CSNK1G3: variants seen among roughly 807,000 people sequenced by gnomAD.
The protein encoded by CSNK1G3 is casein kinase I isoform gamma-3.
Under a neutral mutation model 64.3 loss-of-function variants are expected in CSNK1G3, and 23 were observed. That is an observed-to-expected ratio of 0.36 (90% CI 0.26 to 0.51). The LOEUF (loss-of-function observed/expected upper bound fraction) is 0.51. CSNK1G3 is among the 20% of genes least tolerant of loss of function. CSNK1G3 has a pLI of 0.96. For synonymous variants in CSNK1G3, 158 were observed against 162.2 expected (o/e 0.97, Z 0.20); for missense variants, 357 against 510.5 (o/e 0.70, Z 2.90).
chr5:123,540,718 C>T (rs2013279), intron 1 of CSNK1G3, among the ~76,000 whole-genome samples: 33,780 of 152,074 alleles, frequency 0.22, 3,994 homozygotes, highest in African/African-American at 0.27. Flanking sequence ...TTGCAACCTC[C>T]GCCTCCCAGG....
chr5:123,584,975 G>A (rs1791036517), intron 6 of CSNK1G3, among the ~76,000 whole-genome samples: 1 of 152,062 alleles, frequency 6.6e-6, no homozygotes, highest in Non-Finnish European at 1.5e-5. Flanking sequence ...CCTGCTGAGA[G>A]GATTAATGAT....
intron 3 of CSNK1G3, among the ~76,000 whole-genome samples, chr5:123,555,988 C>T (rs1784552842): frequency 6.6e-6 from 1 of 152,002 alleles, no homozygotes; most frequent in Non-Finnish European, 1.5e-5. Context: ...TAAGTTTTAA[C>T]CCAATTTTAC....
chr5:123,570,012 T>C (rs1329150470), intron 4 of CSNK1G3, among the ~76,000 whole-genome samples: 1 of 152,162 alleles, frequency 6.6e-6, no homozygotes, highest in African/African-American at 2.4e-5. Context: ...ATTATATTGG[T>C]GGATTTTTGA....
At chr5:123,545,742 CGAG>C in exon 2 of CSNK1G3, 1 of 1,613,618 alleles carries the variant, frequency 6.2e-7, no homozygotes, top group Non-Finnish European at 8.5e-7. Context: ...ACACAACACT[CGAG>C]GAACTGGGTC....
At chr5:123,551,224 C>G (rs1198426925) in intron 2 of CSNK1G3, among the ~76,000 whole-genome samples, 1 of 152,154 alleles carries the variant, frequency 6.6e-6, no homozygotes, top group East Asian at 1.9e-4. Flanking sequence ...TCTTTGACAT[C>G]AAGTTCTTCA....
At chr5:123,527,950 A>G (rs796513707) in intron 1 of CSNK1G3, among the ~76,000 whole-genome samples, 26 of 152,302 alleles carry the variant, frequency 1.7e-4, no homozygotes, top group African/African-American at 6.0e-4. Flanking sequence ...CCTCAGCTAT[A>G]AAGTGCTGTT....
At chr5:123,526,840 TTGTGTGTGTGTGTG>T (rs34275675) in intron 1 of CSNK1G3, among the ~76,000 whole-genome samples, 11 of 126,754 alleles carry the variant, frequency 8.7e-5, no homozygotes, top group South Asian at 2.6e-4. Context: ...CATGTACAGA[TTGTGTGTGTGTGTG>T]TGTGTGTGTG....
chr5:123,583,784 A>G (rs956972996), intron 6 of CSNK1G3, among the ~76,000 whole-genome samples: 3 of 152,044 alleles, frequency 2.0e-5, no homozygotes, highest in Non-Finnish European at 4.4e-5. Flanking sequence ...GGCTCAAGGA[A>G]TCCTCCCACC....
chr5:123,597,019 A>G (rs1009848342), intron 10 of CSNK1G3, among the ~76,000 whole-genome samples: 5 of 125,500 alleles, frequency 4.0e-5, no homozygotes, highest in African/African-American at 1.3e-4. Context: ...TTAAAACGTA[A>G]TAAGAGCAAA....
chr5:123,515,640 T>G (rs1777010475), intron 1 of CSNK1G3, among the ~76,000 whole-genome samples: 1 of 151,780 alleles, frequency 6.6e-6, no homozygotes. Flanking sequence ...ATCAAAGGAG[T>G]GCTTAGAAAA....
intron 1 of CSNK1G3, among the ~76,000 whole-genome samples, chr5:123,514,618 C>G (rs1271851964): frequency 2.0e-5 from 3 of 151,464 alleles, no homozygotes; most frequent in African/African-American, 7.3e-5. Context: ...GTGTGAGATA[C>G]TAATTTTTGA....
chr5:123,527,894 A>C (rs1779344624), intron 1 of CSNK1G3, among the ~76,000 whole-genome samples: 1 of 152,100 alleles, frequency 6.6e-6, no homozygotes, highest in Admixed American at 6.5e-5. Flanking sequence ...CGTGTTTTCT[A>C]ACATATTCAA....
intron 2 of CSNK1G3, among the ~76,000 whole-genome samples, chr5:123,552,641 TTA>T (rs1464269003): frequency 1.3e-5 from 2 of 151,638 alleles, no homozygotes; most frequent in Admixed American, 6.5e-5. Context: ...TTCAGATATT[TTA>T]TGTTTATTTA....
At chr5:123,590,975 A>G (rs1310340178) in intron 9 of CSNK1G3, among the ~76,000 whole-genome samples, 3 of 152,000 alleles carry the variant, frequency 2.0e-5, no homozygotes, top group Non-Finnish European at 2.9e-5. Context: ...TATTCTATGT[A>G]TACATTTGCT....
At chr5:123,533,270 T>C (rs1168582810) in intron 1 of CSNK1G3, among the ~76,000 whole-genome samples, 1 of 151,984 alleles carries the variant, frequency 6.6e-6, no homozygotes, top group African/African-American at 2.4e-5. Context: ...TCAGTTTCAA[T>C]TGTAGTATTA....
chr5:123,545,927 A>C (rs1189189728), intron 2 of CSNK1G3, 86 bp downstream of exon 2: 1 of 1,133,606 alleles, frequency 8.8e-7, no homozygotes, highest in East Asian at 2.5e-5. Flanking sequence ...TAGTTATTTA[A>C]TTGTTTAGTT....
At chr5:123,556,248 A>G (rs1006133466) in intron 3 of CSNK1G3, among the ~76,000 whole-genome samples, 1 of 152,008 alleles carries the variant, frequency 6.6e-6, no homozygotes, top group Non-Finnish European at 1.5e-5. Flanking sequence ...TTTCATTATG[A>G]TGTGTTGGTG....
intron 1 of CSNK1G3, among the ~76,000 whole-genome samples, chr5:123,542,551 C>T (rs896437301): frequency 2.0e-5 from 3 of 152,126 alleles, no homozygotes; most frequent in Admixed American, 6.6e-5. Flanking sequence ...GCAACTAATT[C>T]TTAGCTTCCC....
chr5:123,606,173 G>A (rs1046679491), intron 12 of CSNK1G3, among the ~76,000 whole-genome samples: 2 of 151,974 alleles, frequency 1.3e-5, no homozygotes, highest in African/African-American at 4.8e-5. Context: ...TTAAAGAGCA[G>A]TGATTAAGAA....
Sources: allele counts gnomAD v4.1 joint callset (sites outside exome capture counted in the v4.1 genomes callset), GRCh38; gene constraint gnomAD v4.1.1; transcripts MANE v1.5; gene names NCBI Gene and HGNC (gene_info 2026-07-23, HGNC 2026-07-21).